The following TFAP2A variants were observed in gnomAD, a reference collection of about 807,000 sequenced individuals.
TFAP2A encodes transcription factor AP-2 alpha.
In TFAP2A, 7 loss-of-function variants were observed where a neutral mutation model predicts 41.5. That is an observed-to-expected ratio of 0.17 (90% CI 0.10 to 0.32). TFAP2A has a LOEUF of 0.32. Ranked by LOEUF, TFAP2A falls within the 10% of genes least tolerant of loss-of-function variation. TFAP2A has a pLI of 1.00. For missense variants in TFAP2A, 416 were observed against 563.3 expected (o/e 0.74, Z 2.65); for synonymous variants, 247 against 242.8 (o/e 1.02, Z -0.16).
chr6:10,412,305 GAA>G, intron 1 of TFAP2A: 1 of 986,034 alleles, frequency 1.0e-6, no homozygotes, highest in African/African-American at 1.8e-5. Context: ...ATGCAAAAGT[GAA>G]AGAGAAAGAG....
intron 3 of TFAP2A, 63 bp from the exon 4 acceptor site, chr6:10,404,802 CCCCGGCCCTCAT>C: frequency 4.8e-6 from 7 of 1,472,832 alleles, no homozygotes; most frequent in Non-Finnish European, 6.6e-6. Context: ...TCCTGCCCGA[CCCCGGCCCTCAT>C]CCCGGCCAGG....
At position 10,402,486 on chromosome 6, in the gene TFAP2A, G is replaced by C; in HGVS notation, c.889+6C>G. 2 of 1,600,208 alleles carry C rather than the reference G, an allele frequency of 1.2e-6. No individual in the cohort carries two copies. Among genetic ancestry groups the C allele is most frequent in the Non-Finnish European group, 1.7e-6 (2 of 1,167,286 alleles). ...TTCCTTCTAGTTAGCAAGTGGATTC[G>C]CTTACCCTCTACTAGTGATGTGAGC... On this transcript the variant is annotated splice_donor_region_variant and intron_variant, in intron 5 of 6. Coordinates refer to ENST00000379613, the MANE Select transcript of TFAP2A (RefSeq NM_001372066.1).
rs540000368 is a variant in TFAP2A at position 10,400,761 on chromosome 6, A to G, written c.890-172T>C. 9 of 811,830 alleles carry G rather than the reference A, an allele frequency of 1.1e-5. No homozygotes were observed. In the East Asian group the frequency reaches 2.4e-4, roughly 22 times the overall value. 50.3% of individuals were successfully genotyped at this position (811,830 alleles called of 1,614,324 possible). A position where few individuals can be genotyped will look rare whatever the true frequency, so the allele number is the denominator to read the frequency against. On this transcript the variant is annotated intron_variant, in intron 5 of 6. Coordinates refer to ENST00000379613, the MANE Select transcript of TFAP2A (RefSeq NM_001372066.1). ...TTTCCTTCTCTGTAGGATCTGGTGG[A>G]TGCATTTATCAGGAAAAATGACCAC...
At chr6:10,413,228 C>A (rs1056689707) in intron 1 of TFAP2A, among the ~76,000 whole-genome samples, 1 of 152,252 alleles carries the variant, frequency 6.6e-6, no homozygotes. Flanking sequence ...TTGCCCACCA[C>A]GGCCAAAGTT....
intron 1 of TFAP2A, among the ~76,000 whole-genome samples, chr6:10,410,553 C>A (rs920172275): frequency 1.3e-5 from 2 of 152,174 alleles, no homozygotes; most frequent in African/African-American, 2.4e-5. Flanking sequence ...GCACAAGAGA[C>A]TATTTAGGGG....
rs1406708427 is a variant in TFAP2A at position 10,397,371 on chromosome 6, C to A, written c.*1046G>T. 1 of 151,888 alleles carries A rather than the reference C, an allele frequency of 6.6e-6. No individual in the cohort carries two copies. Among genetic ancestry groups the A allele is most frequent in the Non-Finnish European group, 1.5e-5 (1 of 67,994 alleles). 9.4% of individuals were successfully genotyped at this position (151,888 alleles called of 1,614,324 possible). On this transcript the variant is annotated 3_prime_UTR_variant, in exon 7 of 7. Transcript: ENST00000379613. ...TACAATACATAGAAGGGTTATCAAA[C>A]CACTCAAGTTTCAAAATCTTTCCAG...
At position 10,398,930 on chromosome 6, in the gene TFAP2A, A is replaced by ACT. The variant is rs887807390; in HGVS notation, c.1032-227_1032-226dup. 2.6e-5 allele frequency among the ~76,000 whole-genome samples: 4 copies of ACT among 151,184 alleles called. No individual in the cohort carries two copies. The highest frequency in any genetic ancestry group is 4.4e-5 in the Non-Finnish European group (3 of 67,760). On this transcript the variant is annotated intron_variant, in intron 6 of 6. Coordinates refer to ENST00000379613, the MANE Select transcript of TFAP2A (RefSeq NM_001372066.1). This position sits in a 1 kb window ranked among gnomAD's most constrained non-coding sequence, Gnocchi z 5.3. ...TCTTTACTTCCTACCTTCACAAATG[A>ACT]CTCTCTCTCTCTTTCCTCTCAGATA...
At chr6:10,399,314 C>T (rs551009133) in intron 6 of TFAP2A, among the ~76,000 whole-genome samples, 26 of 152,326 alleles carry the variant, frequency 1.7e-4, no homozygotes, top group South Asian at 1.7e-3. Flanking sequence ...AGCCCTGTTA[C>T]TTGGAGATAA....
upstream of TFAP2A, among the ~76,000 whole-genome samples, chr6:10,419,072 T>A (rs1271361732): frequency 6.6e-6 from 1 of 151,570 alleles, no homozygotes; most frequent in Non-Finnish European, 1.5e-5. Context: ...CCTTCCGAAT[T>A]AGTCATCCTC....
chr6:10,399,920 C>CTCTGTG (rs1416387650), intron 6 of TFAP2A, among the ~76,000 whole-genome samples: 4 of 117,822 alleles, frequency 3.4e-5, no homozygotes, highest in African/African-American at 1.4e-4. Context: ...CTCTCTCTCT[C>CTCTGTG]TGTCTGTGTG....
upstream of TFAP2A, chr6:10,415,277 C>T (rs1758201285): frequency 7.1e-7 from 1 of 1,410,490 alleles, no homozygotes; most frequent in African/African-American, 1.4e-5. Context: ...GAAACTTTTC[C>T]CTTTTCCAGC....
At chr6:10,410,704 T>A (rs903762646) in intron 1 of TFAP2A, among the ~76,000 whole-genome samples, 14 of 152,200 alleles carry the variant, frequency 9.2e-5, no homozygotes, top group African/African-American at 3.4e-4. Flanking sequence ...TTTCCCCCGA[T>A]TTGAACCTGT....
At chr6:10,400,298 A>T in intron 6 of TFAP2A, 150 bp downstream of exon 6, 1 of 947,818 alleles carries the variant, frequency 1.1e-6, no homozygotes, top group Non-Finnish European at 1.6e-6. Flanking sequence ...TTTCTTCCTT[A>T]ACATAGACTA....
rs1386591329 is a variant in TFAP2A, at chr6:10,397,841, T to C, written c.*576A>G. 2.0e-6 allele frequency: 2 copies of C among 986,524 alleles called. No individual in the cohort carries two copies. Among genetic ancestry groups the C allele is most frequent in the African/African-American group, 3.5e-5 (2 of 57,084 alleles). The allele number at this position is 986,524 out of a possible 1,614,324, so 61.1% of individuals were successfully genotyped here. A position where few individuals can be genotyped will look rare whatever the true frequency, so the allele number is the denominator to read the frequency against. On this transcript the variant is annotated 3_prime_UTR_variant, in exon 7 of 7. Transcript: ENST00000379613. ...GGAAAAACTTCTACAACTGAAGACA[T>C]GACATGGAACTTCGTGTATTTGTGT...
At chr6:10,406,762 C>T (rs1466560523) in intron 3 of TFAP2A, 31 bp downstream of exon 3, 1 of 1,585,588 alleles carries the variant, frequency 6.3e-7, no homozygotes, top group East Asian at 2.2e-5. Context: ...CCTGTAAGGA[C>T]ATGCTTGGAA....
upstream of TFAP2A, chr6:10,418,356 A>C (rs1758315199): frequency 6.6e-6 from 1 of 152,274 alleles, no homozygotes; most frequent in Non-Finnish European, 1.5e-5. Flanking sequence ...AAAGAACTCG[A>C]CCAGGAGTAG....
At chr6:10,404,328 G>C (rs1757581340) in intron 4 of TFAP2A, among the ~76,000 whole-genome samples, 180 bp downstream of exon 4, 1 of 152,142 alleles carries the variant, frequency 6.6e-6, no homozygotes, top group Admixed American at 6.5e-5. Flanking sequence ...CGCATCGCCC[G>C]CTCCCCCGCC....
intron 1 of TFAP2A, chr6:10,411,467 G>GA (rs1757966147): frequency 6.2e-7 from 1 of 1,603,312 alleles, no homozygotes; most frequent in African/African-American, 1.3e-5. Context: ...TGTCCTGAAG[G>GA]AAAGCTGGGC....
chr6:10,398,232 T>A lies in TFAP2A; in HGVS notation c.*185A>T, dbSNP rs1041913358. 7.4e-6 allele frequency: 11 copies of A among 1,489,210 alleles called. No homozygotes were observed. In the East Asian group the frequency reaches 2.7e-4, roughly 36 times the overall value. The allele number at this position is 1,489,210 out of a possible 1,614,324, so 92.2% of individuals were successfully genotyped here. A position where few individuals can be genotyped will look rare whatever the true frequency, so the allele number is the denominator to read the frequency against. ...TGCAGAGTCGGAGAGGCTGCCCCAC[T>A]GACAGTCGAGAGGGCAGTCCCGGAG... On this transcript the variant is annotated 3_prime_UTR_variant, in exon 7 of 7. Coordinates refer to ENST00000379613, the MANE Select transcript of TFAP2A (RefSeq NM_001372066.1). This position sits in a 1 kb window ranked among gnomAD's most constrained non-coding sequence, Gnocchi z 5.3.
Sources: allele counts gnomAD v4.1 joint callset (sites outside exome capture counted in the v4.1 genomes callset), GRCh38; gene constraint gnomAD v4.1.1; non-coding constraint Gnocchi (gnomAD v3.1); transcripts MANE v1.5; gene names NCBI Gene and HGNC (gene_info 2026-07-23, HGNC 2026-07-21).